VPS54: variants seen among roughly 807,000 people sequenced by gnomAD.
VPS54 encodes VPS54 subunit of GARP complex.
In VPS54, 45 loss-of-function variants were observed where a neutral mutation model predicts 121.5. That is an observed-to-expected ratio of 0.37 (90% CI 0.29 to 0.47). VPS54 has a LOEUF of 0.47. Among genes scored for constraint, VPS54 ranks in the 20% least tolerant of loss-of-function variants. The probability of loss-of-function intolerance (pLI) is 0.99; values close to 1 mark genes in which losing one functional copy is unlikely to be tolerated. For missense variants in VPS54, 1,090 were observed against 1,131.4 expected (o/e 0.96, Z 0.52); for synonymous variants, 371 against 385.8 (o/e 0.96, Z 0.45).
intron 10 of VPS54, among the ~76,000 whole-genome samples, chr2:63,943,700 A>G (rs1396035439): frequency 2.3e-5 from 3 of 130,854 alleles, no homozygotes; most frequent in African/African-American, 9.2e-5. Context: ...TAGAATAGGA[A>G]TTTTTCTTTT....
intron 1 of VPS54, among the ~76,000 whole-genome samples, chr2:63,999,801 G>A (rs1677785084): frequency 6.6e-6 from 1 of 151,880 alleles, no homozygotes; most frequent in South Asian, 2.1e-4. Flanking sequence ...TGTCTTCTCT[G>A]ATTGTGTATT....
intron 16 of VPS54, among the ~76,000 whole-genome samples, chr2:63,915,083 G>A (rs1040624228): frequency 2.7e-5 from 4 of 149,008 alleles, no homozygotes; most frequent in African/African-American, 1.0e-4. Context: ...CCTGGGAGCC[G>A]GAGGTTGTGG....
intron 1 of VPS54, among the ~76,000 whole-genome samples, chr2:63,995,155 C>T (rs979392186): frequency 4.6e-5 from 7 of 152,202 alleles, no homozygotes; most frequent in Non-Finnish European, 7.3e-5. Context: ...TCCCTGCTAC[C>T]GTCCCCCTCT....
At chr2:63,918,822 T>C (rs994037044) in intron 15 of VPS54, among the ~76,000 whole-genome samples, 12 of 151,950 alleles carry the variant, frequency 7.9e-5, no homozygotes, top group African/African-American at 2.9e-4. Flanking sequence ...CCAAATCTGT[T>C]GAAAAAGTAG....
At chr2:63,927,510 C>A (rs1414746240) in intron 12 of VPS54, among the ~76,000 whole-genome samples, 1 of 152,098 alleles carries the variant, frequency 6.6e-6, no homozygotes, top group Non-Finnish European at 1.5e-5. Context: ...CGACAGGTCA[C>A]CAACATCAAA....
intron 20 of VPS54, among the ~76,000 whole-genome samples, chr2:63,909,794 G>A (rs1314517690): frequency 2.8e-5 from 4 of 145,084 alleles, no homozygotes; most frequent in Non-Finnish European, 6.0e-5. Flanking sequence ...GTGCCATCTC[G>A]GCTCACTGCA....
At chr2:63,923,579 G>GTA (rs1298085591) in intron 12 of VPS54, among the ~76,000 whole-genome samples, 1 of 152,270 alleles carries the variant, frequency 6.6e-6, no homozygotes, top group East Asian at 1.9e-4. Context: ...CATCTTGTAT[G>GTA]TATATATCAC....
At chr2:63,939,372 A>AAAAAAAAC (rs1359542544) in intron 11 of VPS54, among the ~76,000 whole-genome samples, 1 of 152,052 alleles carries the variant, frequency 6.6e-6, no homozygotes, top group Non-Finnish European at 1.5e-5. Flanking sequence ...CTCTACCTCA[A>AAAAAAAAC]AAAAAAACAA....
Position 63,981,862 on chromosome 2 carries a change from G to A in VPS54, c.162C>T (p.Ala54=), listed in dbSNP as rs774025147. 1.2e-6 allele frequency: 2 copies of A among 1,612,376 alleles called. No individual in the cohort carries two copies. Among genetic ancestry groups the A allele is most frequent in the South Asian group, 2.2e-5 (2 of 90,878 alleles). The stretch of plus-strand genomic sequence containing the variant: ...TATGTTGATCTGTAACTAGAGATGG[G>A]GCAACATATAAACTATGTGAATCAC... ...PTGDSHSLYV[A]PSLVTDQHRW... is the part of the protein sequence containing the mutation. Residue 54 remains alanine (A), a synonymous_variant, in exon 3 of 23, where the codon GCC becomes GCT. Transcript: ENST00000272322.
chr2:63,921,722 TCCTCCCACCTCAG>T (rs1362359966), intron 12 of VPS54, among the ~76,000 whole-genome samples: 1 of 151,904 alleles, frequency 6.6e-6, no homozygotes, highest in Non-Finnish European at 1.5e-5. Context: ...CCTCAAGCAA[TCCTCCCACCTCAG>T]CCTCCCAAAG....
At chr2:64,006,405 G>C (rs1041895949) in intron 1 of VPS54, among the ~76,000 whole-genome samples, 2 of 152,130 alleles carry the variant, frequency 1.3e-5, no homozygotes, top group African/African-American at 4.8e-5. Context: ...TACTAGTTAA[G>C]AGTATTGGCC....
chr2:63,970,580 T>G (rs1343686295), intron 4 of VPS54, among the ~76,000 whole-genome samples: 1 of 152,116 alleles, frequency 6.6e-6, no homozygotes, highest in Non-Finnish European at 1.5e-5. Flanking sequence ...ATCTCCTGAT[T>G]GCCAAAATAA....
At position 64,011,779 on chromosome 2, in the gene VPS54, T is replaced by C. The variant is rs376304651; in HGVS notation, c.-21+7159A>G. Among the ~76,000 whole-genome samples, 56 of 152,312 alleles carry C rather than the reference T, an allele frequency of 3.7e-4. 1 individual carries two copies. In the East Asian group the frequency reaches 0.01, roughly 28 times the overall value. On this transcript the variant is annotated intron_variant, in intron 1 of 22. Coordinates refer to ENST00000272322, the MANE Select transcript of VPS54 (RefSeq NM_016516.3). The stretch of plus-strand genomic sequence containing the variant: ...TTAGACACTGGTATTCTCTTCTTGG[T>C]GTCCCAGCCAAAAATATTAGCAAGA...
intron 1 of VPS54, among the ~76,000 whole-genome samples, chr2:64,008,349 G>T (rs1180869805): frequency 6.6e-6 from 1 of 151,862 alleles, no homozygotes; most frequent in East Asian, 1.9e-4. Context: ...GGGAGGCAGA[G>T]GTTGCAATGA....
intron 1 of VPS54, among the ~76,000 whole-genome samples, chr2:63,996,926 T>C (rs1677624663): frequency 6.6e-6 from 1 of 152,154 alleles, no homozygotes; most frequent in Non-Finnish European, 1.5e-5. Context: ...CCACACCCTA[T>C]TCATACACTC....
chr2:63,952,890 A>G (rs1675318698), intron 7 of VPS54, among the ~76,000 whole-genome samples: 1 of 152,144 alleles, frequency 6.6e-6, no homozygotes, highest in South Asian at 2.1e-4. Flanking sequence ...AATACCAAAG[A>G]ACATACATTA....
Position 63,984,020 on chromosome 2 carries a change from C to T in VPS54, c.-20-1G>A. On this transcript the variant is annotated splice_acceptor_variant, in intron 1 of 22. Coordinates refer to ENST00000272322, the MANE Select transcript of VPS54 (RefSeq NM_016516.3). LOFTEE classifies it low-confidence loss of function (5UTR_SPLICE). ...GCCATTGCATAAAATCACCACTCAA[C>T]TGAAAATGAGTAAGAAATACTAATT... 6.3e-7 allele frequency: 1 copy of T among 1,588,616 alleles called. No homozygotes were observed. Among genetic ancestry groups the T allele is most frequent in the Non-Finnish European group, 8.6e-7 (1 of 1,163,496 alleles).
At chr2:63,925,415 C>A (rs1250251437) in intron 12 of VPS54, among the ~76,000 whole-genome samples, 2 of 152,196 alleles carry the variant, frequency 1.3e-5, no homozygotes, top group Non-Finnish European at 2.9e-5. Context: ...ACAAACTGCT[C>A]CACACTTCTG....
At chr2:63,996,466 G>A (rs558953744) in intron 1 of VPS54, among the ~76,000 whole-genome samples, 44 of 152,116 alleles carry the variant, frequency 2.9e-4, no homozygotes, top group African/African-American at 9.2e-4. Context: ...ATGTGTGTTC[G>A]AACAATATGA....
Sources: gnomAD v4.1 joint callset for allele counts (sites outside exome capture counted in the v4.1 genomes callset) on GRCh38, gnomAD v4.1.1 for gene constraint, MANE v1.5 for transcripts, NCBI Gene and HGNC (gene_info 2026-07-23, HGNC 2026-07-21) for gene names.